SHROOM4: variants seen among roughly 807,000 people sequenced by gnomAD.
The protein encoded by SHROOM4 is shroom family member 4, also known as protein Shroom4.
In SHROOM4, 17 loss-of-function variants were observed where a neutral mutation model predicts 80.3. The observed-to-expected ratio is 0.21, with a 90% CI of 0.14 to 0.32. The LOEUF (loss-of-function observed/expected upper bound fraction) is 0.32. Among genes scored for constraint, SHROOM4 ranks in the 10% least tolerant of loss-of-function variants. The pLI, the probability that SHROOM4 is intolerant of heterozygous loss-of-function variation, is 1.00. For missense variants in SHROOM4, 993 were observed against 1,140.3 expected (o/e 0.87, Z 1.86); for synonymous variants, 400 against 437.5 (o/e 0.91, Z 1.07).
chrX:50,576,881 T>C, the SHROOM4 span, among the ~76,000 whole-genome samples: 1 of 111,975 alleles, frequency 8.9e-6, no homozygotes, highest in African/African-American at 3.2e-5. Flanking sequence ...CCCCCATTTA[T>C]AATTTTCTCA....
rs1388501768 is a variant in SHROOM4, at chrX:50,634,590, G to T, written c.1483C>A (p.Pro495Thr). Residue 495 changes from proline (P) to threonine (T), a missense_variant, in exon 4 of 9, where the codon CCC (proline) becomes ACC (threonine). Transcript: ENST00000376020. The stretch of plus-strand genomic sequence containing the variant: ...TGTCCATCAGCCTCTCCATGTGGGG[G>T]ACTGCTTTGGCTCTGGTGTCCCAAA... ...LVLGHQSQSS[P>T]PHGEADGHPS... 6 of 1,209,919 alleles carry T rather than the reference G, an allele frequency of 5.0e-6. No homozygotes were observed. The African/African-American group carries it at 7.0e-5, about 14-fold the overall frequency.
chrX:50,719,381 T>C (rs1557265236), intron 1 of SHROOM4, among the ~76,000 whole-genome samples: 3 of 111,691 alleles, frequency 2.7e-5, no homozygotes, highest in African/African-American at 9.8e-5. Context: ...ATTCATTCTA[T>C]CTATTCTAAT....
In SHROOM4 at chrX:50,602,101, T is replaced by A. The variant is rs1185202860; in HGVS notation, c.3942+532A>T. Among the ~76,000 whole-genome samples, 4 of 109,900 alleles carry A rather than the reference T, an allele frequency of 3.6e-5. 1 individual carries two copies. The highest frequency in any genetic ancestry group is 7.6e-5 in the Non-Finnish European group (4 of 52,601). ...TGTTCTTTTCTTTTCTTCTTTTTTTTTTTTTTGAGACTGAGTTTCACTCTT... is the reference window on the plus strand; with the variant it reads ...TGTTCTTTTCTTTTCTTCTTTTTTTATTTTTTGAGACTGAGTTTCACTCTT... On this transcript the variant is annotated intron_variant, in intron 7 of 8. Transcript: ENST00000376020.
intron 1 of SHROOM4, among the ~76,000 whole-genome samples, chrX:50,704,635 G>A (rs1557263806): frequency 8.9e-5 from 10 of 111,917 alleles, no homozygotes; most frequent in Non-Finnish European, 1.9e-5. Context: ...ATTTCTGACT[G>A]GAAAAGGACC....
rs781822604 is a variant in SHROOM4 at position 50,641,613 on chromosome X, AT to A, written c.270-3306del. ...AACATACCTTACAAAGACTCTTACT[AT>A]TTTTTTTTTTTTTTTGAGACGAAGT... On this transcript the variant is annotated intron_variant, in intron 2 of 8. Coordinates refer to ENST00000376020, the MANE Select transcript of SHROOM4 (RefSeq NM_020717.5). 9.5e-3 allele frequency among the ~76,000 whole-genome samples: 943 copies of A among 98,818 alleles called. 5 individuals carry two copies. Among genetic ancestry groups the A allele is most frequent in the African/African-American group, 0.025 (689 of 27,341 alleles). The allele number at this position is 98,818 out of a possible 115,157, so 85.8% of individuals were successfully genotyped here. A position where few individuals can be genotyped will look rare whatever the true frequency, so the allele number is the denominator to read the frequency against.
At chrX:50,727,520 A>G (rs1934268311) in intron 1 of SHROOM4, among the ~76,000 whole-genome samples, 1 of 111,859 alleles carries the variant, frequency 8.9e-6, no homozygotes, top group South Asian at 3.8e-4. Flanking sequence ...TGACTGAATC[A>G]TGGTGGCAGT....
At chrX:50,777,442 A>G (rs1557270237) in intron 1 of SHROOM4, among the ~76,000 whole-genome samples, 1 of 112,494 alleles carries the variant, frequency 8.9e-6, no homozygotes, top group Admixed American at 9.4e-5. Flanking sequence ...AATGTTATTT[A>G]TAATAGCAAA....
chrX:50,700,772 G>A (rs1335195789), intron 1 of SHROOM4, among the ~76,000 whole-genome samples: 1 of 111,980 alleles, frequency 8.9e-6, no homozygotes, highest in Non-Finnish European at 1.9e-5. Flanking sequence ...TTCATCTTCC[G>A]TACTTTACAC....
At chrX:50,680,426 G>A (rs1212028532) in intron 2 of SHROOM4, among the ~76,000 whole-genome samples, 3 of 111,385 alleles carry the variant, frequency 2.7e-5, no homozygotes, top group Non-Finnish European at 5.7e-5. Flanking sequence ...AACAGTACAA[G>A]GAATTCCTGT....
At chrX:50,724,550 C>T (rs1379830620) in intron 1 of SHROOM4, among the ~76,000 whole-genome samples, 6 of 113,029 alleles carry the variant, frequency 5.3e-5, no homozygotes, top group East Asian at 5.6e-4. Flanking sequence ...CTGCAACCTC[C>T]GCCTCCTGGG....
At chrX:50,794,879 T>C (rs373685049) in intron 1 of SHROOM4, among the ~76,000 whole-genome samples, 28 of 100,773 alleles carry the variant, frequency 2.8e-4, no homozygotes, top group African/African-American at 8.4e-4. Context: ...AGTATATATA[T>C]GTATGAATAT....
In SHROOM4 at chrX:50,593,026, G is replaced by T. The variant is rs957381492; in HGVS notation, c.*3669C>A. ...ATGCTTCAATACTGTGATAACAACA[G>T]AAATAACCAATGGCTTAAACTCTGT... On this transcript the variant is annotated 3_prime_UTR_variant, in exon 9 of 9. Coordinates refer to ENST00000376020, the MANE Select transcript of SHROOM4 (RefSeq NM_020717.5). The T allele has an allele frequency of 2.9e-4, 32 of 111,779 alleles. No individual in the cohort carries two copies. Among genetic ancestry groups the T allele is most frequent in the African/African-American group, 1.0e-3 (32 of 30,773 alleles). The allele number at this position is 111,779 out of a possible 1,213,427, so 9.2% of individuals were successfully genotyped here.
chrX:50,710,206 G>T (rs1418693624), intron 1 of SHROOM4, among the ~76,000 whole-genome samples: 3 of 111,729 alleles, frequency 2.7e-5, no homozygotes, highest in African/African-American at 9.8e-5. Flanking sequence ...CTACCAAAAA[G>T]ACACACTTGT....
At chrX:50,699,262 C>G (rs1362966413) in intron 1 of SHROOM4, among the ~76,000 whole-genome samples, 1 of 112,024 alleles carries the variant, frequency 8.9e-6, no homozygotes, top group African/African-American at 3.2e-5. Flanking sequence ...GGTCATATAA[C>G]CAAAAGCCAG....
chrX:50,775,962 G>A (rs1400631927), intron 1 of SHROOM4, among the ~76,000 whole-genome samples: 3 of 112,176 alleles, frequency 2.7e-5, no homozygotes, highest in Non-Finnish European at 3.8e-5. Context: ...TATGATTGCC[G>A]TTATGACATG....
intron 5 of SHROOM4, among the ~76,000 whole-genome samples, chrX:50,614,613 A>G (rs781922098): frequency 9.1e-4 from 103 of 112,705 alleles, no homozygotes; most frequent in African/African-American, 3.1e-3. Context: ...GATCTTACAC[A>G]CTGTTGGTGG....
intron 1 of SHROOM4, among the ~76,000 whole-genome samples, chrX:50,722,884 A>C (rs1557265555): frequency 1.8e-5 from 2 of 110,805 alleles, no homozygotes; most frequent in Non-Finnish European, 3.8e-5. Flanking sequence ...GTAGGGAAGC[A>C]CTGATTGTTT....
At chrX:50,774,770 T>G (rs1393972368) in intron 1 of SHROOM4, among the ~76,000 whole-genome samples, 1 of 111,031 alleles carries the variant, frequency 9.0e-6, no homozygotes, top group African/African-American at 3.3e-5. Context: ...GATCTGAGCT[T>G]CCCAGCAGCC....
At chrX:50,654,260 T>C (rs781794853) in intron 2 of SHROOM4, among the ~76,000 whole-genome samples, 11 of 111,513 alleles carry the variant, frequency 9.9e-5, no homozygotes, top group Non-Finnish European at 1.9e-4. Flanking sequence ...TTGCCATATA[T>C]GTACTTCCCT....
Sources: gnomAD v4.1 joint callset for allele counts (sites outside exome capture counted in the v4.1 genomes callset) on GRCh38, gnomAD v4.1.1 for gene constraint, MANE v1.5 for transcripts, NCBI Gene and HGNC (gene_info 2026-07-23, HGNC 2026-07-21) for gene names.